Variants in TRAFD1 observed in about 807,000 individuals in gnomAD.
TRAFD1 encodes TRAF-type zinc finger domain-containing protein 1.
TRAFD1 carries 38 observed loss-of-function variants against 65.3 expected under a neutral mutation model. The ratio of observed to expected loss-of-function variants is 0.58; its 90% CI spans 0.45 to 0.76. The LOEUF is 0.76. Among genes scored for constraint, TRAFD1 ranks in the 30% least tolerant of loss-of-function variants. The pLI is 0.00. For synonymous variants in TRAFD1, 223 were observed against 257.2 expected (o/e 0.87, Z 1.27); for missense variants, 631 against 712.6 (o/e 0.89, Z 1.30).
At chr12:112,140,773 C>T (rs778558952) in intron 4 of TRAFD1, 46 bp from the exon 5 acceptor site, 3 of 1,597,948 alleles carry the variant, frequency 1.9e-6, no homozygotes, top group Admixed American at 1.7e-5. Context: ...TAAAACACAC[C>T]TCTCCTAGAT....
chr12:112,144,753 C>T (rs1433126882), intron 6 of TRAFD1, among the ~76,000 whole-genome samples: 2 of 152,114 alleles, frequency 1.3e-5, no homozygotes, highest in Non-Finnish European at 2.9e-5. Flanking sequence ...CATGGTGGCA[C>T]ACACCTGTAG....
At chr12:112,139,660 T>G (rs2030027552) in intron 4 of TRAFD1, among the ~76,000 whole-genome samples, 1 of 152,206 alleles carries the variant, frequency 6.6e-6, no homozygotes, top group Admixed American at 6.5e-5. Flanking sequence ...TAACTTCAGG[T>G]GATCTGCCTG....
intron 4 of TRAFD1, 102 bp downstream of exon 4, chr12:112,135,168 G>GAA: frequency 7.6e-7 from 1 of 1,322,224 alleles, no homozygotes; most frequent in Non-Finnish European, 1.1e-6. Context: ...TTCTCCGTGA[G>GAA]CTCACATGCA....
intron 1 of TRAFD1, among the ~76,000 whole-genome samples, chr12:112,126,329 A>T (rs1043459256): frequency 2.0e-5 from 3 of 151,802 alleles, no homozygotes; most frequent in African/African-American, 7.3e-5. Context: ...GATCTAGCTG[A>T]CCCCCAACAG....
In TRAFD1 at chr12:112,127,239, G is replaced by A. The variant is rs77496540; in HGVS notation, c.-13+1621G>A. Among the ~76,000 whole-genome samples the A allele has an allele frequency of 3.6e-3, 549 of 151,828 alleles. 2 individuals carry two copies. The highest frequency in any genetic ancestry group is 5.7e-3 in the Non-Finnish European group (387 of 67,960). On this transcript the variant is annotated intron_variant, in intron 1 of 11. Coordinates refer to ENST00000412615, the MANE Select transcript of TRAFD1 (RefSeq NM_006700.3). Reference sequence around the variant, plus strand: ...TACTTCAGTTCTTAATTTAAATGTCGTCTCCCCAGAAAGTTCTTCCCTGAC... The same window carrying A: ...TACTTCAGTTCTTAATTTAAATGTCATCTCCCCAGAAAGTTCTTCCCTGAC...
In TRAFD1 at chr12:112,135,011, A is replaced by G. The variant is rs1025777268; in HGVS notation, c.184-2A>G. 2 of 1,614,188 alleles carry G rather than the reference A, an allele frequency of 1.2e-6. No homozygotes were observed. Among genetic ancestry groups the G allele is most frequent in the Admixed American group, 1.7e-5 (1 of 60,020 alleles). ...TTTACTGATTCTCACTTCTTACTCT[A>G]GGTGACCTGCAAATGTAACAAGAAG... On this transcript the variant is annotated splice_acceptor_variant, in intron 3 of 11. Transcript: ENST00000412615. LOFTEE classifies it high-confidence loss of function.
chr12:112,143,937 A>T (rs1444858829), intron 6 of TRAFD1, among the ~76,000 whole-genome samples: 1 of 151,420 alleles, frequency 6.6e-6, no homozygotes, highest in East Asian at 2.0e-4. Context: ...CATGTTGCCC[A>T]GGCTAGTCTC....
At position 112,130,482 on chromosome 12, in the gene TRAFD1, A is replaced by C; in HGVS notation, c.-12-29A>C. ...ATCTTTAAAGCAGAAATGAAAGAGAAAGTTCATGTCTTCCTTTGTGGTTTT... is the reference window on the plus strand; with the variant it reads ...ATCTTTAAAGCAGAAATGAAAGAGACAGTTCATGTCTTCCTTTGTGGTTTT... On this transcript the variant is annotated intron_variant, in intron 1 of 11. Coordinates refer to ENST00000412615, the MANE Select transcript of TRAFD1 (RefSeq NM_006700.3). This position sits in a 1 kb window ranked among gnomAD's most constrained non-coding sequence, Gnocchi z 4.4. 1.3e-6 allele frequency: 2 copies of C among 1,581,478 alleles called. No homozygotes were observed.
In TRAFD1 at chr12:112,145,648, C is replaced by CTGAT. The variant is rs1160361220; in HGVS notation, c.917_920dup (p.His308Ter). On this transcript the variant is annotated frameshift_variant, in exon 7 of 12. Transcript: ENST00000412615. LOFTEE classifies it high-confidence loss of function. ...TGAGGAGCTCTACCCAGAGGAACTGCTGATTGACCATCAGGTGTGTTATGA... is the reference window on the plus strand; with the variant it reads ...TGAGGAGCTCTACCCAGAGGAACTGCTGATTGATTGACCATCAGGTGTGTTATGA... 3 of 1,614,016 alleles carry CTGAT rather than the reference C, an allele frequency of 1.9e-6. No homozygotes were observed. Among genetic ancestry groups the CTGAT allele is most frequent in the Non-Finnish European group, 2.5e-6 (3 of 1,180,032 alleles).
chr12:112,146,684 G>A (rs769728451), intron 7 of TRAFD1, among the ~76,000 whole-genome samples: 1 of 152,176 alleles, frequency 6.6e-6, no homozygotes, highest in Non-Finnish European at 1.5e-5. Flanking sequence ...CTTTATGGAA[G>A]CCATCCTGAT....
chr12:112,136,095 C>T (rs2029897969), intron 4 of TRAFD1, among the ~76,000 whole-genome samples: 2 of 150,750 alleles, frequency 1.3e-5, no homozygotes, highest in Non-Finnish European at 3.0e-5. Context: ...CGCCACTGCA[C>T]TCCAGCCTGG....
intron 5 of TRAFD1, 43 bp from the exon 6 acceptor site, chr12:112,142,046 A>T: frequency 6.3e-7 from 1 of 1,595,870 alleles, no homozygotes; most frequent in African/African-American, 1.3e-5. Flanking sequence ...GGGTGGTAAC[A>T]TTTCTAATGT....
At chr12:112,141,687 T>C (rs1593868661) in intron 5 of TRAFD1, among the ~76,000 whole-genome samples, 1 of 152,210 alleles carries the variant, frequency 6.6e-6, no homozygotes, top group African/African-American at 2.4e-5. Flanking sequence ...TGCAAAGTGC[T>C]TTATACGTAT....
rs777803004 is a variant in TRAFD1 at position 112,130,366 on chromosome 12, C to T, written c.-12-145C>T. 8.1e-5 allele frequency: 38 copies of T among 471,286 alleles called. No homozygotes were observed. The highest frequency in any genetic ancestry group is 8.3e-4 in the Middle Eastern group (2 of 2,396). The allele number at this position is 471,286 out of a possible 1,614,324, so 29.2% of individuals were successfully genotyped here. ...TGAAAATTTTAAAATAAGAAAATCC[C>T]AAGGGACTGGATATTGAATAAAATG... On this transcript the variant is annotated intron_variant, in intron 1 of 11. Transcript: ENST00000412615. This position sits in a 1 kb window ranked among gnomAD's most constrained non-coding sequence, Gnocchi z 4.4.
chr12:112,130,532 T>C lies in TRAFD1; in HGVS notation c.10T>C (p.Phe4Leu). Residue 4 changes from phenylalanine to leucine, a missense_variant, in exon 2 of 12, where the codon TTT becomes CTT. Phe to Leu is a conservative substitution (Grantham distance 22). Coordinates refer to ENST00000412615, the MANE Select transcript of TRAFD1 (RefSeq NM_006700.3). This position sits in a 1 kb window ranked among gnomAD's most constrained non-coding sequence, Gnocchi z 4.4. The part of the protein sequence containing the change: MAE[F>L]LDDQETRLCD... ...TCAGGAAGAGCTAAAGATGGCTGAATTTCTAGATGACCAGGAAACTCGACT... is the reference window on the plus strand; with the variant it reads ...TCAGGAAGAGCTAAAGATGGCTGAACTTCTAGATGACCAGGAAACTCGACT... The C allele has an allele frequency of 6.2e-7, 1 of 1,613,270 alleles. No homozygotes were observed. Among genetic ancestry groups the C allele is most frequent in the Non-Finnish European group, 8.5e-7 (1 of 1,179,552 alleles).
At chr12:112,132,448 A>G (rs1275113890) in intron 2 of TRAFD1, among the ~76,000 whole-genome samples, 1 of 152,362 alleles carries the variant, frequency 6.6e-6, no homozygotes, top group East Asian at 1.9e-4. Flanking sequence ...ATTTCACAAC[A>G]TCTTTAAAAA....
rs755715591 is a variant in TRAFD1, at chr12:112,130,273, A to T, written c.-12-238A>T. Among the ~76,000 whole-genome samples the T allele has an allele frequency of 2.6e-5, 4 of 152,048 alleles. No individual in the cohort carries two copies. The highest frequency in any genetic ancestry group is 5.9e-5 in the Non-Finnish European group (4 of 68,016). On this transcript the variant is annotated intron_variant, in intron 1 of 11. Coordinates refer to ENST00000412615, the MANE Select transcript of TRAFD1 (RefSeq NM_006700.3). The surrounding 1 kb of genome is among the most constrained non-coding windows in gnomAD (Gnocchi z 4.4). ...AGGCATGAGCCACTGTACCCAGCCTAGTAAAAGTATTTTATTTTATTATTT... is the reference window on the plus strand; with the variant it reads ...AGGCATGAGCCACTGTACCCAGCCTTGTAAAAGTATTTTATTTTATTATTT...
chr12:112,134,832 A>C lies in TRAFD1; in HGVS notation c.142A>C (p.Lys48Gln), dbSNP rs372252944. Residue 48 changes from lysine to glutamine, a missense_variant, in exon 3 of 12, where the codon AAA (lysine) becomes CAA (glutamine). By Grantham distance (53) the Lys-to-Gln change is moderately conservative. Transcript: ENST00000412615. ...MCPTCKEPFP[K>Q]SDMETHMAAE... ...TCCTACCTGTAAGGAACCATTTCCCAAATCTGACATGGAGACTCACATGGC... is the reference window on the plus strand; with the variant it reads ...TCCTACCTGTAAGGAACCATTTCCCCAATCTGACATGGAGACTCACATGGC... 3 of 1,613,630 alleles carry C rather than the reference A, an allele frequency of 1.9e-6. No individual in the cohort carries two copies. Among genetic ancestry groups the C allele is most frequent in the South Asian group, 1.1e-5 (1 of 91,084 alleles).
Position 112,152,983 on chromosome 12 carries a change from G to A in TRAFD1, c.*192G>A. ...TGGGTTTGAGGGAAGGGAGCAGGGTGGCGGTTGAGGAACGCTTCAGCCTTA... is the reference window on the plus strand; with the variant it reads ...TGGGTTTGAGGGAAGGGAGCAGGGTAGCGGTTGAGGAACGCTTCAGCCTTA... On this transcript the variant is annotated 3_prime_UTR_variant, in exon 12 of 12. Coordinates refer to ENST00000412615, the MANE Select transcript of TRAFD1 (RefSeq NM_006700.3). This position sits in a 1 kb window ranked among gnomAD's most constrained non-coding sequence, Gnocchi z 5.0. The A allele has an allele frequency of 1.7e-6, 1 of 591,850 alleles. No individual in the cohort carries two copies. Among genetic ancestry groups the A allele is most frequent in the Non-Finnish European group, 2.9e-6 (1 of 343,724 alleles). 36.7% of individuals were successfully genotyped at this position (591,850 alleles called of 1,614,324 possible).
Sources: allele counts gnomAD v4.1 joint callset (sites outside exome capture counted in the v4.1 genomes callset), GRCh38; gene constraint gnomAD v4.1.1; non-coding constraint Gnocchi (gnomAD v3.1); transcripts MANE v1.5; gene names NCBI Gene and HGNC (gene_info 2026-07-23, HGNC 2026-07-21).